The following KIAA1549L variants were observed in gnomAD, a reference collection of about 807,000 sequenced individuals.
The protein encoded by KIAA1549L is UPF0606 protein KIAA1549L.
KIAA1549L carries 88 observed loss-of-function variants against 160.7 expected under a neutral mutation model. That is an observed-to-expected ratio of 0.55 (90% CI 0.46 to 0.65). KIAA1549L has a LOEUF of 0.65. KIAA1549L is among the 30% of genes least tolerant of loss of function. The pLI is 0.00. For missense variants in KIAA1549L, 2,258 were observed against 2,437.5 expected (o/e 0.93, Z 1.55); for synonymous variants, 950 against 976.7 (o/e 0.97, Z 0.51).
chr11:33,377,566 TCTG>T (rs1479894264), intron 1 of KIAA1549L, among the ~76,000 whole-genome samples: 1 of 152,218 alleles, frequency 6.6e-6, no homozygotes, highest in African/African-American at 2.4e-5. Context: ...GGTGGATTTT[TCTG>T]CTAAGTGTGC....
intron 1 of KIAA1549L, among the ~76,000 whole-genome samples, chr11:33,420,369 C>G (rs1271794404): frequency 6.6e-6 from 1 of 151,642 alleles, no homozygotes; most frequent in African/African-American, 2.4e-5. Flanking sequence ...GCTGGGACTA[C>G]AGGCACAGTT....
chr11:33,467,013 A>G (rs977817708), intron 1 of KIAA1549L, among the ~76,000 whole-genome samples: 6 of 152,098 alleles, frequency 3.9e-5, no homozygotes, highest in African/African-American at 1.4e-4. Flanking sequence ...AGAAATACCT[A>G]ATGTAAATGA....
intron 1 of KIAA1549L, among the ~76,000 whole-genome samples, chr11:33,378,644 C>G (rs1271280588): frequency 6.6e-6 from 1 of 152,192 alleles, no homozygotes; most frequent in Non-Finnish European, 1.5e-5. Flanking sequence ...TCGTTGCTTC[C>G]TCTATGCTTT....
chr11:33,488,174 T>C (rs546273910), intron 1 of KIAA1549L, among the ~76,000 whole-genome samples: 3 of 152,226 alleles, frequency 2.0e-5, no homozygotes, highest in Non-Finnish European at 4.4e-5. Flanking sequence ...GGCTCTTGCA[T>C]TAGTGAGTCT....
chr11:33,426,913 C>T (rs146006478), intron 1 of KIAA1549L, among the ~76,000 whole-genome samples: 62 of 152,156 alleles, frequency 4.1e-4, no homozygotes, highest in African/African-American at 1.5e-3. Context: ...TGTTTTCCTA[C>T]CCCCTATTAT....
At chr11:33,377,790 AC>A (rs1457435732) in intron 1 of KIAA1549L, among the ~76,000 whole-genome samples, 3 of 151,828 alleles carry the variant, frequency 2.0e-5, no homozygotes, top group African/African-American at 7.3e-5. Flanking sequence ...TTCTCAGAGT[AC>A]CCCCTCCCCC....
At chr11:33,506,601 A>C (rs547927782) in intron 1 of KIAA1549L, among the ~76,000 whole-genome samples, 1 of 151,506 alleles carries the variant, frequency 6.6e-6, no homozygotes, top group South Asian at 2.1e-4. Context: ...ATTTAGTCCT[A>C]GCTACTTGGG....
In KIAA1549L at chr11:33,487,721, C is replaced by T. The variant is rs191474864; in HGVS notation, c.239-54081C>T. 3.0e-4 allele frequency among the ~76,000 whole-genome samples: 45 copies of T among 152,110 alleles called. No individual in the cohort carries two copies. In the East Asian group the frequency reaches 8.1e-3, roughly 27 times the overall value. ...GTGGGATCTAGGCATCAGTATTTTC[C>T]GGAAGTTTTCTTATGTGATATTAAT... is the stretch of plus-strand genomic sequence containing the variant. On this transcript the variant is annotated intron_variant, in intron 1 of 20. Coordinates refer to ENST00000658780, the MANE Select transcript of KIAA1549L (RefSeq NM_012194.3).
chr11:33,494,065 C>T (rs1372767429), intron 1 of KIAA1549L, among the ~76,000 whole-genome samples: 1 of 152,186 alleles, frequency 6.6e-6, no homozygotes, highest in Non-Finnish European at 1.5e-5. Context: ...GCTTCTAGAA[C>T]CTCCAGAACT....
chr11:33,435,818 G>GTGTGTGTATA lies in KIAA1549L; in HGVS notation c.238+58930_238+58931insGTGTGTATAT, dbSNP rs1554976830. Among the ~76,000 whole-genome samples the GTGTGTGTATA allele has an allele frequency of 3.3e-4, 15 of 45,320 alleles. No individual in the cohort carries two copies. The South Asian group carries it at 6.5e-3, about 20-fold the overall frequency. 29.7% of individuals were successfully genotyped at this position (45,320 alleles called of 152,430 possible). A position where few individuals can be genotyped will look rare whatever the true frequency, so the allele number is the denominator to read the frequency against. ...TATATATATATATATATATGTGTGT[G>GTGTGTGTATA]TATATATATATATGTATATGTATAT... On this transcript the variant is annotated intron_variant, in intron 1 of 20. Transcript: ENST00000658780.
chr11:33,587,359 A>G (rs1177203527), intron 11 of KIAA1549L, among the ~76,000 whole-genome samples: 1 of 152,166 alleles, frequency 6.6e-6, no homozygotes, highest in African/African-American at 2.4e-5. Flanking sequence ...ATCTCAGGTA[A>G]TTTTCCAGTT....
At chr11:33,442,505 G>T (rs1392296418) in intron 1 of KIAA1549L, among the ~76,000 whole-genome samples, 1 of 152,156 alleles carries the variant, frequency 6.6e-6, no homozygotes, top group Admixed American at 6.5e-5. Flanking sequence ...CTTTGAAGAT[G>T]TATTTTTCCT....
rs911557016 is a variant in KIAA1549L at position 33,542,402 on chromosome 11, AC to A, written c.843del (p.Ser282LeufsTer2). On this transcript the variant is annotated frameshift_variant, in exon 2 of 21. Transcript: ENST00000658780. LOFTEE classifies it high-confidence loss of function. ...VLLVPQTAPADPSLGQNIANP... is the reference protein window; with the variant it reads ...VLLVPQTAPAXPSLGQNIANP... The stretch of plus-strand genomic sequence containing the variant: ...TTAGTTCCCCAAACAGCTCCAGCCG[AC>A]CCCTCTTTAGGTCAGAACATAGCTA... 1.7e-4 allele frequency: 251 copies of A among 1,456,552 alleles called. No homozygotes were observed. Among genetic ancestry groups the A allele is most frequent in the Non-Finnish European group, 1.2e-4 (125 of 1,071,342 alleles). The allele number at this position is 1,456,552 out of a possible 1,614,324, so 90.2% of individuals were successfully genotyped here.
chr11:33,562,475 G>A (rs1014493602), intron 8 of KIAA1549L, among the ~76,000 whole-genome samples: 1 of 152,110 alleles, frequency 6.6e-6, no homozygotes, highest in Non-Finnish European at 1.5e-5. Context: ...TCTCAATCCT[G>A]GAGACTAGAA....
chr11:33,557,326 C>T (rs2133210394), intron 6 of KIAA1549L, among the ~76,000 whole-genome samples: 1 of 151,978 alleles, frequency 6.6e-6, no homozygotes, highest in East Asian at 1.9e-4. Context: ...ATAGAATGTT[C>T]ACAATAGAGA....
At chr11:33,506,896 A>T (rs1211488709) in intron 1 of KIAA1549L, among the ~76,000 whole-genome samples, 1 of 152,050 alleles carries the variant, frequency 6.6e-6, no homozygotes, top group East Asian at 1.9e-4. Flanking sequence ...TGGAAGCCCC[A>T]CCTCCCACCA....
intron 11 of KIAA1549L, among the ~76,000 whole-genome samples, chr11:33,589,740 A>C (rs11032309): frequency 6.6e-6 from 1 of 150,890 alleles, no homozygotes. Flanking sequence ...GAAGGGAGAC[A>C]TCACACACCA....
At chr11:33,416,978 C>T (rs1257483323) in intron 1 of KIAA1549L, among the ~76,000 whole-genome samples, 2 of 152,134 alleles carry the variant, frequency 1.3e-5, no homozygotes, top group African/African-American at 4.8e-5. Flanking sequence ...GTCACAGACT[C>T]AAAGAGAATG....
intron 13 of KIAA1549L, among the ~76,000 whole-genome samples, chr11:33,604,531 A>G (rs1850447147): frequency 6.6e-6 from 1 of 152,236 alleles, no homozygotes; most frequent in South Asian, 2.1e-4. Flanking sequence ...AGCACAATTC[A>G]CAATTGCAAA....
Sources: allele counts gnomAD v4.1 joint callset (sites outside exome capture counted in the v4.1 genomes callset), GRCh38; gene constraint gnomAD v4.1.1; transcripts MANE v1.5; gene names NCBI Gene and HGNC (gene_info 2026-07-23, HGNC 2026-07-21).